RALGAPA2: variants seen among roughly 807,000 people sequenced by gnomAD.
The protein encoded by RALGAPA2 is ral GTPase-activating protein subunit alpha-2.
RALGAPA2 carries 139 observed loss-of-function variants against 230.4 expected under a neutral mutation model. The observed-to-expected ratio is 0.60, with a 90% CI of 0.53 to 0.69. The LOEUF is 0.69. Ranked by LOEUF, RALGAPA2 falls within the 30% of genes least tolerant of loss-of-function variation. RALGAPA2 has a pLI of 0.00. For missense variants in RALGAPA2, 2,163 were observed against 2,276.0 expected, an observed-to-expected ratio of 0.95 and a Z score of 1.01; for synonymous variants, 847 against 837.8, an observed-to-expected ratio of 1.01 and a Z score of -0.19.
intron 37 of RALGAPA2, among the ~76,000 whole-genome samples, chr20:20,448,332 T>C (rs545549854): frequency 2.0e-5 from 3 of 152,340 alleles, no homozygotes; most frequent in Admixed American, 1.3e-4. Flanking sequence ...AAAAGGCAGA[T>C]AATCCATAGG....
chr20:20,443,309 G>A (rs563142158), intron 37 of RALGAPA2, among the ~76,000 whole-genome samples: 1 of 152,314 alleles, frequency 6.6e-6, no homozygotes, highest in South Asian at 2.1e-4. Context: ...CTTTTTGGGT[G>A]AGAATGCGGG....
At chr20:20,611,547 T>C (rs1330951359) in intron 13 of RALGAPA2, 121 bp from the exon 14 acceptor site, 3 of 1,411,438 alleles carry the variant, frequency 2.1e-6, no homozygotes, top group South Asian at 1.8e-5. Flanking sequence ...TACTCGAAAC[T>C]ATTAAAGTCC....
At chr20:20,488,108 T>C (rs1037386804) in intron 36 of RALGAPA2, among the ~76,000 whole-genome samples, 2 of 152,112 alleles carry the variant, frequency 1.3e-5, no homozygotes, top group Non-Finnish European at 2.9e-5. Context: ...TCCATTTACA[T>C]GGGTTTCGTC....
chr20:20,568,011 C>T (rs1191187256), intron 23 of RALGAPA2, among the ~76,000 whole-genome samples: 1 of 151,942 alleles, frequency 6.6e-6, no homozygotes, highest in Middle Eastern at 3.2e-3. Flanking sequence ...ACTGTGAGTG[C>T]TGAAGAAATA....
chr20:20,646,713 T>TA (rs1334227802), intron 4 of RALGAPA2, among the ~76,000 whole-genome samples: 2 of 151,406 alleles, frequency 1.3e-5, no homozygotes, highest in Middle Eastern at 3.2e-3. Flanking sequence ...TAAGGGATAC[T>TA]AAAAAACTCA....
intron 4 of RALGAPA2, among the ~76,000 whole-genome samples, chr20:20,646,204 G>A (rs921965296): frequency 1.1e-4 from 16 of 152,004 alleles, no homozygotes; most frequent in African/African-American, 3.4e-4. Context: ...ACAGGCATGC[G>A]CCACCATGCC....
rs1378632779 is a variant in RALGAPA2 at position 20,412,026 on chromosome 20, C to A, written c.5617+1G>T. ...GAGAGAAGAATAATGTAGACACTCACCCGTTCCGCTGAGGGAGTAGCTGGG... is the reference window on the plus strand; with the variant it reads ...GAGAGAAGAATAATGTAGACACTCAACCGTTCCGCTGAGGGAGTAGCTGGG... On this transcript the variant is annotated splice_donor_variant, in intron 38 of 39. Transcript: ENST00000202677. LOFTEE classifies it high-confidence loss of function. 6.2e-7 allele frequency: 1 copy of A among 1,613,828 alleles called. No homozygotes were observed. The highest frequency in any genetic ancestry group is 8.5e-7 in the Non-Finnish European group (1 of 1,179,842).
chr20:20,619,902 T>C (rs1289404570), intron 11 of RALGAPA2, among the ~76,000 whole-genome samples: 1 of 152,210 alleles, frequency 6.6e-6, no homozygotes, highest in Non-Finnish European at 1.5e-5. Context: ...TCAGGAGATA[T>C]TCCACTCTGT....
rs1013018311 is a variant in RALGAPA2, at chr20:20,589,295, A to G, written c.2412T>C (p.His804=). ...TTATTCCTTCATGTTCTCTCTTCAC[A>G]TGTCCTTTATTCTCTTGAATAGGCT... The part of the protein sequence containing the change: ...EPQPIQENKG[H]VKREHEGITI... Residue 804 remains histidine, a synonymous_variant, in exon 18 of 40, where the codon CAT becomes CAC. Transcript: ENST00000202677. The G allele has an allele frequency of 9.5e-6, 15 of 1,584,326 alleles. No individual in the cohort carries two copies. Among genetic ancestry groups the G allele is most frequent in the Non-Finnish European group, 1.3e-5 (15 of 1,163,454 alleles).
chr20:20,465,236 G>C (rs951764959), intron 37 of RALGAPA2, among the ~76,000 whole-genome samples: 3 of 146,378 alleles, frequency 2.0e-5, no homozygotes, highest in Non-Finnish European at 4.5e-5. Flanking sequence ...ATGGACACAA[G>C]GCCCCCACTG....
chr20:20,519,086 C>G (rs928642769), intron 31 of RALGAPA2, among the ~76,000 whole-genome samples: 2 of 152,144 alleles, frequency 1.3e-5, no homozygotes, highest in Non-Finnish European at 2.9e-5. Context: ...CAACACAACT[C>G]AAAACAAGAG....
chr20:20,676,421 GTAT>G, intron 2 of RALGAPA2, 133 bp from the exon 3 acceptor site: 1 of 562,786 alleles, frequency 1.8e-6, no homozygotes, highest in East Asian at 3.9e-5. Flanking sequence ...GCAAGAGGCA[GTAT>G]GGAGAACACA....
intron 13 of RALGAPA2, among the ~76,000 whole-genome samples, chr20:20,614,793 GCAGA>G (rs2066083359): frequency 6.6e-6 from 1 of 152,176 alleles, no homozygotes; most frequent in African/African-American, 2.4e-5. Context: ...CCTACCAACT[GCAGA>G]CACTTTCCAA....
chr20:20,537,121 T>C (rs145269738), intron 24 of RALGAPA2, among the ~76,000 whole-genome samples: 239 of 152,292 alleles, frequency 1.6e-3, no homozygotes, highest in African/African-American at 5.5e-3. Context: ...ATCAACTGAA[T>C]ACCATTTTGC....
chr20:20,400,578 G>A (rs978287150), intron 38 of RALGAPA2, among the ~76,000 whole-genome samples: 1 of 152,110 alleles, frequency 6.6e-6, no homozygotes, highest in African/African-American at 2.4e-5. Context: ...ATATCTTGGT[G>A]TCAACTTTCT....
At chr20:20,568,527 C>CCAGA (rs1436637090) in intron 23 of RALGAPA2, among the ~76,000 whole-genome samples, 1 of 152,086 alleles carries the variant, frequency 6.6e-6, no homozygotes, top group Non-Finnish European at 1.5e-5. Flanking sequence ...TCCAGGATTG[C>CCAGA]CAGAGAACAC....
chr20:20,495,571 C>A (rs576176725), intron 35 of RALGAPA2, among the ~76,000 whole-genome samples: 1 of 152,228 alleles, frequency 6.6e-6, no homozygotes, highest in South Asian at 2.1e-4. Flanking sequence ...TTTACTCCTG[C>A]GTCAGAGTCC....
chr20:20,438,166 A>G (rs2060654781), intron 37 of RALGAPA2, among the ~76,000 whole-genome samples: 1 of 152,228 alleles, frequency 6.6e-6, no homozygotes, highest in Non-Finnish European at 1.5e-5. Flanking sequence ...AACATACCAC[A>G]GTGATACTAC....
intron 1 of RALGAPA2, among the ~76,000 whole-genome samples, chr20:20,709,539 T>C (rs950051515): frequency 9.9e-5 from 15 of 151,820 alleles, no homozygotes; most frequent in African/African-American, 3.4e-4. Context: ...ATACACAGGG[T>C]TTTTTGGTTT....
Sources: allele counts gnomAD v4.1 joint callset (sites outside exome capture counted in the v4.1 genomes callset), GRCh38; gene constraint gnomAD v4.1.1; transcripts MANE v1.5; gene names NCBI Gene and HGNC (gene_info 2026-07-23, HGNC 2026-07-21).